The following KIF6 variants were observed in gnomAD, a reference collection of about 807,000 sequenced individuals.
KIF6 encodes the protein kinesin family member 6.
KIF6 carries 106 observed loss-of-function variants against 112.7 expected under a neutral mutation model. That is an observed-to-expected ratio of 0.94 (90% CI 0.80 to 1.11). The LOEUF (loss-of-function observed/expected upper bound fraction) is 1.11. Among genes scored for constraint, KIF6 ranks in the 50% least tolerant of loss-of-function variants. The pLI is 0.00. For synonymous variants in KIF6, 339 were observed against 339.9 expected (o/e 1.00, Z 0.03); for missense variants, 929 against 964.0 (o/e 0.96, Z 0.48).
At chr6:39,408,442 GA>G in intron 15 of KIF6, among the ~76,000 whole-genome samples, 1 of 151,912 alleles carries the variant, frequency 6.6e-6, no homozygotes, top group Admixed American at 6.5e-5. Context: ...AGAAAAACTG[GA>G]AAAAAAGGTG....
chr6:39,443,454 T>C (rs1772082438), intron 13 of KIF6, among the ~76,000 whole-genome samples: 1 of 152,194 alleles, frequency 6.6e-6, no homozygotes, highest in Admixed American at 6.5e-5. Flanking sequence ...TTTATTTTTA[T>C]TTTATTTAAG....
chr6:39,493,753 G>T (rs1223908812), intron 13 of KIF6, among the ~76,000 whole-genome samples: 4 of 152,190 alleles, frequency 2.6e-5, no homozygotes, highest in African/African-American at 9.6e-5. Context: ...AATTGTACAC[G>T]ATTTCATTTA....
chr6:39,612,145 TG>T (rs1248754781), intron 6 of KIF6, among the ~76,000 whole-genome samples: 1 of 152,216 alleles, frequency 6.6e-6, no homozygotes, highest in African/African-American at 2.4e-5. Flanking sequence ...TATCTGAATT[TG>T]GTTTGCATTG....
At chr6:39,512,965 C>A (rs987628511) in intron 13 of KIF6, among the ~76,000 whole-genome samples, 12 of 152,114 alleles carry the variant, frequency 7.9e-5, no homozygotes, top group African/African-American at 2.9e-4. Flanking sequence ...CCTCAATAAC[C>A]CAAAGAGGAA....
intron 13 of KIF6, among the ~76,000 whole-genome samples, chr6:39,439,342 T>A (rs1023243603): frequency 6.6e-6 from 1 of 152,112 alleles, no homozygotes; most frequent in East Asian, 1.9e-4. Flanking sequence ...CATTTCTTAG[T>A]TGTTTGCTTT....
rs185600767 is a variant in KIF6, at chr6:39,492,660, T to C, written c.1645+47343A>G. Reference sequence around the variant, plus strand: ...TGTTGTGTGCCTCCCCCTTCCTCCTTTTTGTCTTTTGCAGTTATCTAAGTT... The same window carrying C: ...TGTTGTGTGCCTCCCCCTTCCTCCTCTTTGTCTTTTGCAGTTATCTAAGTT... On this transcript the variant is annotated intron_variant, in intron 13 of 22. Transcript: ENST00000287152. Among the ~76,000 whole-genome samples, 148 of 152,288 alleles carry C rather than the reference T, an allele frequency of 9.7e-4. No homozygotes were observed. In the Middle Eastern group the frequency reaches 0.014, roughly 14 times the overall value.
intron 13 of KIF6, among the ~76,000 whole-genome samples, chr6:39,460,136 A>G (rs200880005): frequency 0.069 from 10,017 of 145,224 alleles, 432 homozygotes; most frequent in East Asian, 0.22. Context: ...AATGTCCAAC[A>G]ATGATAGACT....
intron 3 of KIF6, among the ~76,000 whole-genome samples, chr6:39,668,147 G>C (rs1032086822): frequency 6.6e-6 from 1 of 152,204 alleles, no homozygotes; most frequent in African/African-American, 2.4e-5. Flanking sequence ...ACAGCCTGCA[G>C]AACTGTGAGC....
chr6:39,485,677 C>T (rs967839042), intron 13 of KIF6, among the ~76,000 whole-genome samples: 10 of 152,130 alleles, frequency 6.6e-5, no homozygotes, highest in African/African-American at 1.2e-4. Context: ...GCCACTGTCA[C>T]GAAAGGAGCA....
At chr6:39,424,894 T>C (rs1218201817) in intron 14 of KIF6, among the ~76,000 whole-genome samples, 1 of 152,220 alleles carries the variant, frequency 6.6e-6, no homozygotes, top group East Asian at 1.9e-4. Flanking sequence ...AGATGGTTGC[T>C]GAGTTTCTCA....
At chr6:39,647,029 A>T (rs2466410) in intron 3 of KIF6, among the ~76,000 whole-genome samples, 15,967 of 152,268 alleles carry the variant, frequency 0.1, 1,245 homozygotes, top group African/African-American at 0.22. Context: ...TTTCACTTTC[A>T]GAATATCTCA....
rs887352818 is a variant in KIF6, at chr6:39,343,157, G to C, written c.2428+552C>G. On this transcript the variant is annotated intron_variant, in intron 22 of 22. Coordinates refer to ENST00000287152, the MANE Select transcript of KIF6 (RefSeq NM_145027.6). This position sits in a 1 kb window ranked among gnomAD's most constrained non-coding sequence, Gnocchi z 4.1. Reference sequence around the variant, plus strand: ...CAAGAGGACGGGGCTGGGGGTGGAGGGGGCAGTGATGCAGACCAAGAAGAG... The same window carrying C: ...CAAGAGGACGGGGCTGGGGGTGGAGCGGGCAGTGATGCAGACCAAGAAGAG... The C allele has an allele frequency of 7.1e-6, 7 of 985,210 alleles. No homozygotes were observed. The East Asian group carries it at 8.0e-4, about 112-fold the overall frequency. The allele number at this position is 985,210 out of a possible 1,614,324, so 61.0% of individuals were successfully genotyped here.
chr6:39,625,005 C>T (rs1784015547), intron 5 of KIF6, among the ~76,000 whole-genome samples: 1 of 123,734 alleles, frequency 8.1e-6, no homozygotes, highest in Non-Finnish European at 1.6e-5. Flanking sequence ...GTCCCAATCC[C>T]ATGATGGTAT....
At chr6:39,660,457 A>G (rs1269951362) in intron 3 of KIF6, among the ~76,000 whole-genome samples, 4 of 152,196 alleles carry the variant, frequency 2.6e-5, no homozygotes, top group African/African-American at 9.7e-5. Context: ...TAAGCTGTCT[A>G]GTTGTGTTGT....
chr6:39,337,178 T>C (rs1300143172), intron 22 of KIF6, among the ~76,000 whole-genome samples: 1 of 74,836 alleles, frequency 1.3e-5, no homozygotes, highest in African/African-American at 1.1e-4. Context: ...CTTCCTTCTT[T>C]CTTTCTTTCT....
At chr6:39,526,878 G>T (rs1777769359) in intron 13 of KIF6, among the ~76,000 whole-genome samples, 1 of 152,170 alleles carries the variant, frequency 6.6e-6, no homozygotes, top group African/African-American at 2.4e-5. Context: ...AGGATGAGAT[G>T]GATCATGGGT....
chr6:39,406,743 ACCTGC>A (rs2150346944), intron 15 of KIF6, among the ~76,000 whole-genome samples: 1 of 152,132 alleles, frequency 6.6e-6, no homozygotes, highest in South Asian at 2.1e-4. Flanking sequence ...GTGTTGTTTA[ACCTGC>A]AAGTATTTGT....
intron 13 of KIF6, among the ~76,000 whole-genome samples, chr6:39,534,546 G>T (rs4446568): frequency 0.46 from 69,686 of 152,026 alleles, 19,141 homozygotes; most frequent in African/African-American, 0.77. Context: ...AAGCCTCCAA[G>T]AAATATGGGA....
intron 10 of KIF6, among the ~76,000 whole-genome samples, chr6:39,570,345 T>C (rs1257624388): frequency 6.6e-6 from 1 of 152,154 alleles, no homozygotes; most frequent in African/African-American, 2.4e-5. Flanking sequence ...TTGGGGCATG[T>C]TGAGTTCAGG....
Sources: allele counts gnomAD v4.1 joint callset (sites outside exome capture counted in the v4.1 genomes callset), GRCh38; gene constraint gnomAD v4.1.1; non-coding constraint Gnocchi (gnomAD v3.1); transcripts MANE v1.5; gene names NCBI Gene and HGNC (gene_info 2026-07-23, HGNC 2026-07-21).